The following ST3GAL1 variants were observed in gnomAD, a reference collection of about 807,000 sequenced individuals.
ST3GAL1 encodes CMP-N-acetylneuraminate-beta-galactosamide-alpha-2,3-sialyltransferase 1.
Under a neutral mutation model 34.1 loss-of-function variants are expected in ST3GAL1, and 16 were observed. That is an observed-to-expected ratio of 0.47 (90% CI 0.32 to 0.71). The LOEUF is 0.71. ST3GAL1 is among the 30% of genes least tolerant of loss of function. The pLI is 0.04. For synonymous variants in ST3GAL1, 191 were observed against 184.7 expected, an observed-to-expected ratio of 1.03 and a Z score of -0.28; for missense variants, 353 against 447.4, an observed-to-expected ratio of 0.79 and a Z score of 1.90.
At position 133,560,694 on chromosome 8, in the gene ST3GAL1, TC is replaced by T. The variant is rs542165253; in HGVS notation, c.-582+10998del. ...GAGAAGCTGCCCTTCCCTTCCAGAG[TC>T]CCCACTTAGCCAGGGATATAGGATG... On this transcript the variant is annotated intron_variant, in intron 1 of 9. Coordinates refer to ENST00000522652, the MANE Select transcript of ST3GAL1 (RefSeq NM_173344.3). Among the ~76,000 whole-genome samples, 27 of 152,134 alleles carry T rather than the reference TC, an allele frequency of 1.8e-4. No individual in the cohort carries two copies. The South Asian group carries it at 5.6e-3, about 32-fold the overall frequency.
rs1815486145 is a variant in ST3GAL1 at position 133,461,245 on chromosome 8, G to T, written c.849+630C>A. Among the ~76,000 whole-genome samples the T allele has an allele frequency of 6.6e-6, 1 of 152,168 alleles. No homozygotes were observed. The highest frequency in any genetic ancestry group is 2.4e-5 in the African/African-American group (1 of 41,438). Reference sequence around the variant, plus strand: ...AATGAGACAAGAAGGGACACGTGAGGGCCCTGCCTGAACCCAACATCAGGG... The same window carrying T: ...AATGAGACAAGAAGGGACACGTGAGTGCCCTGCCTGAACCCAACATCAGGG... On this transcript the variant is annotated intron_variant, in intron 9 of 9. Transcript: ENST00000522652. This position sits in a 1 kb window ranked among gnomAD's most constrained non-coding sequence, Gnocchi z 4.7.
At chr8:133,505,352 A>G (rs1430911393) in intron 2 of ST3GAL1, among the ~76,000 whole-genome samples, 1 of 152,160 alleles carries the variant, frequency 6.6e-6, no homozygotes, top group Non-Finnish European at 1.5e-5. Context: ...TTATAATAAA[A>G]GATTGTGGTT....
At chr8:133,501,106 T>TTGTTA (rs1817137560) in intron 2 of ST3GAL1, among the ~76,000 whole-genome samples, 1 of 152,146 alleles carries the variant, frequency 6.6e-6, no homozygotes, top group African/African-American at 2.4e-5. Context: ...GCCTCAGACA[T>TTGTTA]CGTTCTTTCT....
intron 2 of ST3GAL1, among the ~76,000 whole-genome samples, chr8:133,544,549 T>A (rs567865066): frequency 2.4e-4 from 36 of 152,276 alleles, no homozygotes; most frequent in Non-Finnish European, 4.7e-4. Context: ...TTTCTTCCTC[T>A]CCTTGTTTCT....
At chr8:133,515,062 C>T (rs991984010) in intron 2 of ST3GAL1, among the ~76,000 whole-genome samples, 2 of 152,162 alleles carry the variant, frequency 1.3e-5, no homozygotes, top group Non-Finnish European at 2.9e-5. Context: ...TGGGGTGATC[C>T]AACTCCCCCA....
At chr8:133,535,010 G>A (rs550912106) in intron 2 of ST3GAL1, among the ~76,000 whole-genome samples, 1 of 152,352 alleles carries the variant, frequency 6.6e-6, no homozygotes, top group East Asian at 1.9e-4. Flanking sequence ...GTGAAAGGAA[G>A]GCAGACACAG....
At chr8:133,528,009 GA>G (rs34406789) in intron 2 of ST3GAL1, among the ~76,000 whole-genome samples, 43,228 of 140,156 alleles carry the variant, frequency 0.31, 6,558 homozygotes, top group South Asian at 0.47. Flanking sequence ...CATCTCTACT[GA>G]AAAAAAAAAA....
chr8:133,498,893 C>G (rs376538500), intron 3 of ST3GAL1, among the ~76,000 whole-genome samples: 1 of 151,612 alleles, frequency 6.6e-6, no homozygotes, highest in African/African-American at 2.4e-5. Context: ...GCCTAAGCTC[C>G]GGGTTTGTCC....
Position 133,461,052 on chromosome 8 carries a change from G to A in ST3GAL1, c.849+823C>T, listed in dbSNP as rs994476573. On this transcript the variant is annotated intron_variant, in intron 9 of 9. Transcript: ENST00000522652. This position sits in a 1 kb window ranked among gnomAD's most constrained non-coding sequence, Gnocchi z 4.7. ...TGAGCAGAACCTCAAGCAAGGGTCT[G>A]GGACCAGCTGGCTGGAGGTGGGTGG... Among the ~76,000 whole-genome samples the A allele has an allele frequency of 6.6e-6, 1 of 152,146 alleles. No homozygotes were observed. Among genetic ancestry groups the A allele is most frequent in the Non-Finnish European group, 1.5e-5 (1 of 68,030 alleles).
intron 1 of ST3GAL1, among the ~76,000 whole-genome samples, chr8:133,565,753 A>G (rs1164020571): frequency 1.3e-5 from 2 of 152,208 alleles, no homozygotes; most frequent in Non-Finnish European, 2.9e-5. Flanking sequence ...GGGAATTTAT[A>G]CTACCATCTC....
chr8:133,556,007 C>CCT lies in ST3GAL1; in HGVS notation c.-581-10083_-581-10082dup, dbSNP rs1819007152. Among the ~76,000 whole-genome samples, 1 of 152,214 alleles carries CCT rather than the reference C, an allele frequency of 6.6e-6. No individual in the cohort carries two copies. The highest frequency in any genetic ancestry group is 2.1e-4 in the South Asian group (1 of 4,830). Reference sequence around the variant, plus strand: ...CTCCCAAGTTCAAGCAATTCTCGTGCCTCAGCCTCCCGCGTAGCTGGGATT... The same window carrying CCT: ...CTCCCAAGTTCAAGCAATTCTCGTGCCTCTCAGCCTCCCGCGTAGCTGGGATT... On this transcript the variant is annotated intron_variant, in intron 1 of 9. Transcript: ENST00000522652. The surrounding 1 kb of genome is among the most constrained non-coding windows in gnomAD (Gnocchi z 8.9).
intron 7 of ST3GAL1, among the ~76,000 whole-genome samples, chr8:133,464,319 G>A (rs1039964894): frequency 7.2e-5 from 11 of 152,302 alleles, no homozygotes; most frequent in East Asian, 5.8e-4. Flanking sequence ...CCACAGCCGC[G>A]TTGCTCAGCA....
chr8:133,559,377 C>T (rs1364946169), intron 1 of ST3GAL1, among the ~76,000 whole-genome samples: 1 of 152,174 alleles, frequency 6.6e-6, no homozygotes, highest in African/African-American at 2.4e-5. Flanking sequence ...GGAACCAGTT[C>T]TTCAACCCAT....
At chr8:133,565,314 G>C (rs1184249707) in intron 1 of ST3GAL1, among the ~76,000 whole-genome samples, 2 of 152,150 alleles carry the variant, frequency 1.3e-5, no homozygotes, top group African/African-American at 2.4e-5. Flanking sequence ...GAGTTGCAGA[G>C]GGCAGGACAG....
chr8:133,557,242 T>C (rs931585173), intron 1 of ST3GAL1, among the ~76,000 whole-genome samples: 9 of 151,740 alleles, frequency 5.9e-5, no homozygotes, highest in African/African-American at 2.2e-4. Flanking sequence ...CACCGGGAGG[T>C]CTAAAGGAAG....
intron 7 of ST3GAL1, among the ~76,000 whole-genome samples, chr8:133,464,481 A>C (rs1344777541): frequency 6.6e-6 from 1 of 152,252 alleles, no homozygotes; most frequent in Non-Finnish European, 1.5e-5. Context: ...GGCTGAACTC[A>C]CATGGGCTGA....
intron 2 of ST3GAL1, among the ~76,000 whole-genome samples, chr8:133,527,193 G>A (rs574245746): frequency 2.0e-5 from 3 of 152,274 alleles, no homozygotes; most frequent in African/African-American, 7.2e-5. Flanking sequence ...AGAAAGAGGG[G>A]AGAGACTTGC....
intron 2 of ST3GAL1, among the ~76,000 whole-genome samples, chr8:133,537,417 G>A (rs1177728386): frequency 2.0e-5 from 3 of 152,194 alleles, no homozygotes; most frequent in Non-Finnish European, 4.4e-5. Flanking sequence ...AAAGATTAGA[G>A]TCCTGTGTTA....
intron 3 of ST3GAL1, among the ~76,000 whole-genome samples, chr8:133,484,544 G>A (rs796720407): frequency 2.0e-5 from 3 of 152,056 alleles, no homozygotes; most frequent in Admixed American, 6.5e-5. Flanking sequence ...CTCTGTGCTC[G>A]GCATGGGTCC....
Sources: gnomAD v4.1 joint callset for allele counts (sites outside exome capture counted in the v4.1 genomes callset) on GRCh38, gnomAD v4.1.1 for gene constraint, Gnocchi (gnomAD v3.1) non-coding constraint, MANE v1.5 for transcripts, NCBI Gene and HGNC (gene_info 2026-07-23, HGNC 2026-07-21) for gene names.